Variants in SGCD observed in about 807,000 individuals in gnomAD.
SGCD encodes sarcoglycan delta, also known as delta-sarcoglycan.
In SGCD, 18 loss-of-function variants were observed where a neutral mutation model predicts 36.6. That is an observed-to-expected ratio of 0.49 (90% CI 0.34 to 0.73). The LOEUF is 0.73. SGCD is among the 30% of genes least tolerant of loss of function. SGCD has a pLI of 0.01. For missense variants in SGCD, 387 were observed against 346.7 expected (o/e 1.12, Z -0.92); for synonymous variants, 133 against 130.6 (o/e 1.02, Z -0.12).
Position 156,764,158 on chromosome 5 carries a change from AAC to A in SGCD, c.*4770_*4771del, listed in dbSNP as rs1172712422. 1 of 152,492 alleles carries A rather than the reference AAC, an allele frequency of 6.6e-6. No homozygotes were observed. Among genetic ancestry groups the A allele is most frequent in the Admixed American group, 6.5e-5 (1 of 15,286 alleles). 9.4% of individuals were successfully genotyped at this position (152,492 alleles called of 1,614,324 possible). ...GTTGGGAAAAAGTTATAATATAAGA[AAC>A]AACCTTCGAAAACAGGCCTTTTATC... On this transcript the variant is annotated 3_prime_UTR_variant, in exon 9 of 9. Transcript: ENST00000337851.
chr5:155,931,546 A>G (rs2113391974), intron 1 of SGCD, among the ~76,000 whole-genome samples: 1 of 152,162 alleles, frequency 6.6e-6, no homozygotes, highest in Non-Finnish European at 1.5e-5. Flanking sequence ...TTGTTTTTTA[A>G]GTGCTTGGGG....
intron 1 of SGCD, among the ~76,000 whole-genome samples, chr5:156,031,246 T>TAA (rs1375101858): frequency 1.3e-5 from 2 of 152,210 alleles, no homozygotes; most frequent in African/African-American, 2.4e-5. Context: ...TAACAAGTTC[T>TAA]CAGGTGATAT....
At position 156,759,459 on chromosome 5, in the gene SGCD, C is replaced by A; in HGVS notation, c.*69C>A. The A allele has an allele frequency of 9.4e-7, 1 of 1,058,794 alleles. No individual in the cohort carries two copies. Among genetic ancestry groups the A allele is most frequent in the Non-Finnish European group, 1.4e-6 (1 of 725,014 alleles). 65.6% of individuals were successfully genotyped at this position (1,058,794 alleles called of 1,614,324 possible). On this transcript the variant is annotated 3_prime_UTR_variant, in exon 9 of 9. Coordinates refer to ENST00000337851, the MANE Select transcript of SGCD (RefSeq NM_000337.6). Reference sequence around the variant, plus strand: ...TTTGGCTTTAGACACTGGCTGCCAGCTATTTTTACTAGAACACAGAAAGCC... The same window carrying A: ...TTTGGCTTTAGACACTGGCTGCCAGATATTTTTACTAGAACACAGAAAGCC...
chr5:156,020,311 T>G (rs1466050328), intron 1 of SGCD, among the ~76,000 whole-genome samples: 2 of 152,212 alleles, frequency 1.3e-5, no homozygotes, highest in Non-Finnish European at 2.9e-5. Context: ...AAACAAAGAA[T>G]GTCCTTCCTT....
At chr5:156,098,636 G>GTC (rs1446802826) in intron 1 of SGCD, among the ~76,000 whole-genome samples, 1 of 117,646 alleles carries the variant, frequency 8.5e-6, no homozygotes, top group East Asian at 2.4e-4. Flanking sequence ...TGTTGCATGT[G>GTC]TATACACACA....
chr5:156,223,648 A>T (rs1764775648), intron 3 of SGCD, among the ~76,000 whole-genome samples: 2 of 152,054 alleles, frequency 1.3e-5, no homozygotes. Context: ...GAGGGCCAGA[A>T]TGCTGTGTTT....
At chr5:156,719,642 T>C (rs984959294) in intron 7 of SGCD, among the ~76,000 whole-genome samples, 2 of 152,024 alleles carry the variant, frequency 1.3e-5, no homozygotes, top group Non-Finnish European at 2.9e-5. Flanking sequence ...TGTTGCACTA[T>C]ACAATAGAAA....
chr5:155,870,055 A>G (rs1755602443), upstream of SGCD, among the ~76,000 whole-genome samples: 2 of 152,224 alleles, frequency 1.3e-5, no homozygotes, highest in South Asian at 2.1e-4. Context: ...ATGATGAGTG[A>G]AAAGATTAAG....
At chr5:156,672,651 C>G (rs1169222058) in intron 7 of SGCD, among the ~76,000 whole-genome samples, 1 of 152,230 alleles carries the variant, frequency 6.6e-6, no homozygotes, top group Admixed American at 6.5e-5. Flanking sequence ...TCTGTTCTTA[C>G]TTCTTCTCTC....
chr5:156,174,575 A>G (rs1052671161), intron 3 of SGCD, among the ~76,000 whole-genome samples: 1 of 152,220 alleles, frequency 6.6e-6, no homozygotes, highest in African/African-American at 2.4e-5. Flanking sequence ...CCAAGAGCAA[A>G]GTACAGAGAT....
At chr5:155,873,956 T>G (rs1755711122) in intron 1 of SGCD, among the ~76,000 whole-genome samples, 1 of 152,204 alleles carries the variant, frequency 6.6e-6, no homozygotes, top group Non-Finnish European at 1.5e-5. Context: ...GATCAATTTT[T>G]ATATAGCCCT....
chr5:155,960,465 G>C (rs1757770479), intron 1 of SGCD, among the ~76,000 whole-genome samples: 1 of 151,990 alleles, frequency 6.6e-6, no homozygotes, highest in South Asian at 2.1e-4. Flanking sequence ...CTCCTAGCCT[G>C]GTCCAATTTC....
intron 4 of SGCD, among the ~76,000 whole-genome samples, chr5:156,556,591 G>C (rs907400024): frequency 2.6e-5 from 4 of 152,066 alleles, no homozygotes; most frequent in Non-Finnish European, 5.9e-5. Context: ...CATCTCTACA[G>C]CTCCTCTGTT....
rs142058492 is a variant in SGCD, at chr5:156,408,813, G to T, written c.192+64136G>T. ...AGGCTAAGACCTCTGTGTCTAGAAA[G>T]AAGTTGAAATTGAGAGCTCTTCAGT... On this transcript the variant is annotated intron_variant, in intron 3 of 8. Transcript: ENST00000337851. Among the ~76,000 whole-genome samples, 13 of 152,284 alleles carry T rather than the reference G, an allele frequency of 8.5e-5. No homozygotes were observed. In the East Asian group the frequency reaches 2.5e-3, roughly 29 times the overall value.
chr5:155,813,692 A>T, the SGCD span, among the ~76,000 whole-genome samples: 1 of 152,204 alleles, frequency 6.6e-6, no homozygotes, highest in Non-Finnish European at 1.5e-5. Context: ...ATGGTTTTTC[A>T]GGCAGACTGC....
chr5:156,573,882 A>G (rs1225422789), intron 4 of SGCD, among the ~76,000 whole-genome samples: 2 of 151,984 alleles, frequency 1.3e-5, no homozygotes, highest in African/African-American at 4.8e-5. Context: ...TTGTAGAGAC[A>G]GGATCTCACT....
In SGCD at chr5:156,759,309, C is replaced by G. The variant is rs367616773; in HGVS notation, c.792C>G (p.Cys264Trp). Reference protein sequence around the residue: ...TGTRQKVFEICVCANGRLFLS... With the variant: ...TGTRQKVFEIWVCANGRLFLS... The stretch of plus-strand genomic sequence containing the variant: ...CGAGGCAGAAGGTCTTCGAGATCTG[C>G]GTCTGCGCCAATGGGAGATTATTCC... Residue 264 changes from cysteine to tryptophan, a missense_variant, in exon 9 of 9, where the codon TGC becomes TGG. Coordinates refer to ENST00000337851, the MANE Select transcript of SGCD (RefSeq NM_000337.6). 6.2e-7 allele frequency: 1 copy of G among 1,613,236 alleles called. No homozygotes were observed. The highest frequency in any genetic ancestry group is 8.5e-7 in the Non-Finnish European group (1 of 1,179,396).
At chr5:156,222,280 T>A (rs1764735020) in intron 3 of SGCD, among the ~76,000 whole-genome samples, 1 of 152,118 alleles carries the variant, frequency 6.6e-6, no homozygotes, top group Non-Finnish European at 1.5e-5. Flanking sequence ...TTGCTCACAT[T>A]CCACATTTTA....
chr5:155,832,609 T>C, the SGCD span, among the ~76,000 whole-genome samples: 1 of 152,152 alleles, frequency 6.6e-6, no homozygotes, highest in African/African-American at 2.4e-5. Context: ...CCCTGTGTTA[T>C]AACTGCTGGC....
Sources: allele counts gnomAD v4.1 joint callset (sites outside exome capture counted in the v4.1 genomes callset), GRCh38; gene constraint gnomAD v4.1.1; transcripts MANE v1.5; gene names NCBI Gene and HGNC (gene_info 2026-07-23, HGNC 2026-07-21).